The following FAM149B1 variants were observed in gnomAD, a reference collection of about 807,000 sequenced individuals.
FAM149B1 encodes the protein primary cilium assembly protein FAM149B1.
FAM149B1 carries 56 observed loss-of-function variants against 75.3 expected under a neutral mutation model. The ratio of observed to expected loss-of-function variants is 0.74; its 90% CI spans 0.60 to 0.93. The LOEUF (loss-of-function observed/expected upper bound fraction) is 0.93. FAM149B1 is among the 40% of genes least tolerant of loss of function. The pLI, the probability that FAM149B1 is intolerant of heterozygous loss-of-function variation, is 0.00. For missense variants in FAM149B1, 639 were observed against 708.4 expected, an observed-to-expected ratio of 0.90 and a Z score of 1.11; for synonymous variants, 259 against 256.1, an observed-to-expected ratio of 1.01 and a Z score of -0.11.
At chr10:73,205,871 T>C (rs1415097031) in intron 5 of FAM149B1, among the ~76,000 whole-genome samples, 2 of 152,168 alleles carry the variant, frequency 1.3e-5, no homozygotes, top group Admixed American at 1.3e-4. Flanking sequence ...TTTATAGCAA[T>C]GCAAGAATGA....
chr10:73,243,406 C>T lies in FAM149B1; in HGVS notation c.*2387C>T. Reference sequence around the variant, plus strand: ...TTTGAAGAGAAAAATTCCATTATTTCTTTTCTTTCTTGAGAGCAGATTTTT... The same window carrying T: ...TTTGAAGAGAAAAATTCCATTATTTTTTTTCTTTCTTGAGAGCAGATTTTT... On this transcript the variant is annotated 3_prime_UTR_variant, in exon 14 of 14. Transcript: ENST00000242505. The T allele has an allele frequency of 6.2e-7, 1 of 1,613,758 alleles. No homozygotes were observed. The highest frequency in any genetic ancestry group is 1.1e-5 in the South Asian group (1 of 91,076).
At chr10:73,211,071 C>T (rs2043178256) in intron 7 of FAM149B1, among the ~76,000 whole-genome samples, 1 of 152,186 alleles carries the variant, frequency 6.6e-6, no homozygotes, top group Admixed American at 6.5e-5. Context: ...CCCCCAACTT[C>T]AGATGCTAGT....
At chr10:73,171,967 A>C (rs1843737358) in intron 1 of FAM149B1, among the ~76,000 whole-genome samples, 1 of 152,158 alleles carries the variant, frequency 6.6e-6, no homozygotes, top group South Asian at 2.1e-4. Flanking sequence ...CTCTCTGTGA[A>C]ATAACGAAAG....
At chr10:73,179,775 T>C (rs2042352716) in intron 3 of FAM149B1, among the ~76,000 whole-genome samples, 1 of 152,194 alleles carries the variant, frequency 6.6e-6, no homozygotes, top group Non-Finnish European at 1.5e-5. Context: ...ACTTTCCTTA[T>C]ATATAGTTGT....
chr10:73,238,269 C>A, intron 12 of FAM149B1, among the ~76,000 whole-genome samples: 1 of 152,192 alleles, frequency 6.6e-6, no homozygotes, highest in East Asian at 1.9e-4. Context: ...ATTGCTTGAG[C>A]CCAGGAGGCA....
chr10:73,177,691 T>A (rs1001955735), intron 2 of FAM149B1, among the ~76,000 whole-genome samples, 155 bp from the exon 3 acceptor site: 1 of 139,026 alleles, frequency 7.2e-6, no homozygotes, highest in African/African-American at 3.4e-5. Context: ...TCCATAATGC[T>A]CAAATTTCAA....
rs564146429 is a variant in FAM149B1 at position 73,210,160 on chromosome 10, A to G, written c.711-91A>G. 3.8e-4 allele frequency: 304 copies of G among 791,738 alleles called. 1 individual carries two copies. The highest frequency in any genetic ancestry group is 5.3e-4 in the Non-Finnish European group (275 of 515,444). The allele number at this position is 791,738 out of a possible 1,614,324, so 49.0% of individuals were successfully genotyped here. On this transcript the variant is annotated intron_variant, in intron 6 of 13. Coordinates refer to ENST00000242505, the MANE Select transcript of FAM149B1 (RefSeq NM_173348.2). ...TCTATTTTCCATTTTTCCTCAAATC[A>G]AAGTGAATTTTCAGGTAATACACAG...
At chr10:73,233,335 A>AATTTT in intron 10 of FAM149B1, 172 bp downstream of exon 10, 1 of 597,304 alleles carries the variant, frequency 1.7e-6, no homozygotes, top group Non-Finnish European at 2.9e-6. Flanking sequence ...AATGTGGTTA[A>AATTTT]ATTTTATTTT....
intron 7 of FAM149B1, among the ~76,000 whole-genome samples, chr10:73,211,350 A>T (rs1460216642): frequency 6.6e-6 from 1 of 152,226 alleles, no homozygotes; most frequent in East Asian, 1.9e-4. Flanking sequence ...CCCAATCCTC[A>T]GACTATCCAA....
chr10:73,208,354 A>G (rs2043113671), intron 5 of FAM149B1, among the ~76,000 whole-genome samples: 1 of 152,238 alleles, frequency 6.6e-6, no homozygotes, highest in African/African-American at 2.4e-5. Context: ...CAAGGCAAGG[A>G]TGACCTAATA....
chr10:73,194,416 G>A (rs990913934), intron 5 of FAM149B1, among the ~76,000 whole-genome samples: 4 of 151,710 alleles, frequency 2.6e-5, no homozygotes, highest in Admixed American at 2.0e-4. Context: ...TTTTTGAGAC[G>A]GAGTCTTGCT....
At chr10:73,235,048 A>G (rs2043791869) in intron 11 of FAM149B1, 108 bp downstream of exon 11, 21 of 1,470,570 alleles carry the variant, frequency 1.4e-5, no homozygotes, top group Admixed American at 2.1e-5. Flanking sequence ...TTTTGTCAAA[A>G]GTACAAACAC....
At chr10:73,185,271 T>G (rs2042492945) in intron 3 of FAM149B1, among the ~76,000 whole-genome samples, 1 of 152,250 alleles carries the variant, frequency 6.6e-6, no homozygotes, top group Non-Finnish European at 1.5e-5. Flanking sequence ...ATCTTTCAGC[T>G]GATCACAGTG....
intron 3 of FAM149B1, among the ~76,000 whole-genome samples, chr10:73,186,870 G>A (rs889515286): frequency 4.6e-5 from 7 of 152,122 alleles, no homozygotes; most frequent in African/African-American, 1.4e-4. Context: ...GTGGCCAGGG[G>A]CTGGGCAGAG....
In FAM149B1 at chr10:73,243,504, G is replaced by C. The variant is rs753627085; in HGVS notation, c.*2485G>C. 3 of 1,613,810 alleles carry C rather than the reference G, an allele frequency of 1.9e-6. No individual in the cohort carries two copies. The highest frequency in any genetic ancestry group is 1.3e-5 in the African/African-American group (1 of 74,826). On this transcript the variant is annotated 3_prime_UTR_variant, in exon 14 of 14. Transcript: ENST00000242505. ...AGAAAATTGTCCATTTCCTTTTGCC[G>C]ATCCTTTTGTCTGCTCTGTTTGAGA...
At chr10:73,172,633 C>T (rs542600834) in intron 1 of FAM149B1, among the ~76,000 whole-genome samples, 2 of 152,168 alleles carry the variant, frequency 1.3e-5, no homozygotes, top group South Asian at 2.1e-4. Context: ...GAAAGTCTAC[C>T]GCAGATTACT....
intron 3 of FAM149B1, among the ~76,000 whole-genome samples, chr10:73,187,877 G>A (rs906669679): frequency 6.6e-6 from 1 of 152,156 alleles, no homozygotes; most frequent in Non-Finnish European, 1.5e-5. Flanking sequence ...GAGGTCAGGA[G>A]TTCGAGACCA....
intron 5 of FAM149B1, chr10:73,200,612 CA>C: frequency 1.5e-6 from 1 of 677,420 alleles, no homozygotes; most frequent in South Asian, 1.7e-5. Context: ...TGAGATTTTC[CA>C]AAAATTAAAT....
chr10:73,244,058 T>G lies in FAM149B1; in HGVS notation c.*3039T>G. ...TATGAATAGACAAAATGAATCGAAT[T>G]ACATAACTATGTCATTCATTAAATG... On this transcript the variant is annotated 3_prime_UTR_variant, in exon 14 of 14. Transcript: ENST00000242505. 2 of 692,742 alleles carry G rather than the reference T, an allele frequency of 2.9e-6. No homozygotes were observed. The highest frequency in any genetic ancestry group is 4.9e-6 in the Non-Finnish European group (2 of 408,676). The allele number at this position is 692,742 out of a possible 1,614,324, so 42.9% of individuals were successfully genotyped here. A position where few individuals can be genotyped will look rare whatever the true frequency, so the allele number is the denominator to read the frequency against.
Sources: gnomAD v4.1 joint callset for allele counts (sites outside exome capture counted in the v4.1 genomes callset) on GRCh38, gnomAD v4.1.1 for gene constraint, MANE v1.5 for transcripts, NCBI Gene and HGNC (gene_info 2026-07-23, HGNC 2026-07-21) for gene names.